The following HEATR5B variants were observed in gnomAD, a reference collection of about 807,000 sequenced individuals.
The protein encoded by HEATR5B is HEAT repeat containing 5B, also known as HEAT repeat-containing protein 5B.
In HEATR5B, 156 loss-of-function variants were observed where a neutral mutation model predicts 224.1. The observed-to-expected ratio is 0.70, with a 90% CI of 0.61 to 0.80. HEATR5B has a LOEUF of 0.80. Among genes scored for constraint, HEATR5B ranks in the 30% least tolerant of loss-of-function variants. The probability of loss-of-function intolerance (pLI) is 0.00; values close to 1 mark genes in which losing one functional copy is unlikely to be tolerated. For missense variants in HEATR5B, 2,323 were observed against 2,535.5 expected (o/e 0.92, Z 1.80); for synonymous variants, 1,027 against 893.0 (o/e 1.15, Z -2.68).
chr2:37,070,395 G>C lies in HEATR5B; in HGVS notation c.770-8C>G. On this transcript the variant is annotated splice_region_variant and splice_polypyrimidine_tract_variant and intron_variant, in intron 6 of 35. Transcript: ENST00000233099. The stretch of plus-strand genomic sequence containing the variant: ...TCACATTCTGACGCATTACTTTCAA[G>C]AAGAAAAATTAAAGTATAAGCAAAT... The C allele has an allele frequency of 6.2e-7, 1 of 1,608,702 alleles. No individual in the cohort carries two copies. The highest frequency in any genetic ancestry group is 8.5e-7 in the Non-Finnish European group (1 of 1,176,588).
At chr2:36,986,573 G>A (rs552145545) in intron 35 of HEATR5B, among the ~76,000 whole-genome samples, 3 of 152,246 alleles carry the variant, frequency 2.0e-5, no homozygotes, top group East Asian at 1.9e-4. Flanking sequence ...GAAAAAACAG[G>A]TACAGTTTGT....
chr2:37,057,342 G>C lies in HEATR5B; in HGVS notation c.2198C>G (p.Thr733Ser). ...SVLLGSWLQE[T>S]DHKSIEDQLQ... is the part of the protein sequence containing the mutation. ...CTGGTCTTCAATTGATTTATGATCA[G>C]TTTCCTGAAGCCAAGAACCAAGAAG... Residue 733 changes from threonine to serine, a missense_variant, in exon 15 of 36, where the codon ACT becomes AGT. Physicochemically the swap from Thr to Ser is moderately conservative, Grantham distance 58. Around this residue, in one of 12 missense-constraint regions of HEATR5B, gnomAD observed 170 missense variants for 216.7 expected, o/e 0.78. Coordinates refer to ENST00000233099, the MANE Select transcript of HEATR5B (RefSeq NM_019024.3). The C allele has an allele frequency of 6.2e-7, 1 of 1,606,134 alleles. No homozygotes were observed. Among genetic ancestry groups the C allele is most frequent in the Non-Finnish European group, 8.5e-7 (1 of 1,177,458 alleles).
At chr2:37,024,105 C>G (rs1314872288) in intron 24 of HEATR5B, among the ~76,000 whole-genome samples, 1 of 152,168 alleles carries the variant, frequency 6.6e-6, no homozygotes, top group African/African-American at 2.4e-5. Flanking sequence ...TTTGAGACAA[C>G]ATGGATGAAC....
At chr2:37,070,143 G>T (rs1474483077) in intron 7 of HEATR5B, 87 bp downstream of exon 7, 2 of 1,241,246 alleles carry the variant, frequency 1.6e-6, no homozygotes, top group Non-Finnish European at 2.3e-6. Flanking sequence ...CAGGCAATCT[G>T]CCCGCCTTGG....
chr2:37,051,182 C>T (rs1670520542), intron 17 of HEATR5B, among the ~76,000 whole-genome samples: 1 of 151,564 alleles, frequency 6.6e-6, no homozygotes, highest in Non-Finnish European at 1.5e-5. Context: ...ATGGTGAAAC[C>T]CCGTCTCTGC....
At position 37,007,169 on chromosome 2, in the gene HEATR5B, G is replaced by A. The variant is rs748442326; in HGVS notation, c.4658C>T (p.Ala1553Val). 133 of 1,613,890 alleles carry A rather than the reference G, an allele frequency of 8.2e-5. No individual in the cohort carries two copies. Among genetic ancestry groups the A allele is most frequent in the Non-Finnish European group, 1.1e-4 (124 of 1,180,000 alleles). Residue 1553 changes from alanine to valine, a missense_variant, in exon 29 of 36, where the codon GCA becomes GTA. By Grantham distance (64) the Ala-to-Val change is moderately conservative. Transcript: ENST00000233099. ...ACGTTTTTGTAAACCAGATATTGCT[G>A]CTGCTTCTGTAGACTCTGAGCACGT... ...GFTCSESTEAAAISGLQKRST... is the reference protein window; with the variant it reads ...GFTCSESTEAVAISGLQKRST...
In HEATR5B at chr2:37,039,294, G is replaced by A. The variant is rs186660133; in HGVS notation, c.3046+1035C>T. Among the ~76,000 whole-genome samples the A allele has an allele frequency of 8.7e-4, 133 of 152,078 alleles. 3 individuals are homozygous for A. The East Asian group carries it at 0.021, about 25-fold the overall frequency. On this transcript the variant is annotated intron_variant, in intron 20 of 35. Coordinates refer to ENST00000233099, the MANE Select transcript of HEATR5B (RefSeq NM_019024.3). ...AGCCTGGCCAACATGGTGAAACCCT[G>A]TCTCTACTAAAAATACAACAAATTA...
At chr2:37,043,819 T>C (rs1377206470) in intron 18 of HEATR5B, among the ~76,000 whole-genome samples, 2 of 152,224 alleles carry the variant, frequency 1.3e-5, no homozygotes, top group African/African-American at 4.8e-5. Context: ...TCCTATTATT[T>C]CAAGAACTTT....
chr2:37,081,030 C>A (rs1048635117), intron 2 of HEATR5B, among the ~76,000 whole-genome samples: 3 of 152,082 alleles, frequency 2.0e-5, no homozygotes, highest in African/African-American at 2.4e-5. Flanking sequence ...AAATTAAAGA[C>A]GTTTTAAGTG....
chr2:37,057,195 G>T, intron 15 of HEATR5B, 122 bp downstream of exon 15: 1 of 674,530 alleles, frequency 1.5e-6, no homozygotes, highest in Non-Finnish European at 2.3e-6. Context: ...ATCTTTAAGT[G>T]TCTAAGAACA....
chr2:37,042,290 T>C (rs923895387), intron 18 of HEATR5B, among the ~76,000 whole-genome samples: 11 of 152,310 alleles, frequency 7.2e-5, no homozygotes, highest in Middle Eastern at 3.4e-3. Context: ...TTATGGAAAC[T>C]ACACATTATG....
chr2:37,023,428 T>A lies in HEATR5B; in HGVS notation c.3854-2592A>T, dbSNP rs188570021. ...AGTTATAAGATGTGTATCTTCATAT[T>A]TTTTCATGTGCCTACCAAAAAAACT... On this transcript the variant is annotated intron_variant, in intron 24 of 35. Coordinates refer to ENST00000233099, the MANE Select transcript of HEATR5B (RefSeq NM_019024.3). Among the ~76,000 whole-genome samples the A allele has an allele frequency of 8.8e-3, 1,334 of 152,276 alleles. 12 individuals carry two copies. The highest frequency in any genetic ancestry group is 0.011 in the Non-Finnish European group (761 of 68,026).
At chr2:37,015,588 T>C (rs1266135608) in intron 26 of HEATR5B, among the ~76,000 whole-genome samples, 1 of 152,192 alleles carries the variant, frequency 6.6e-6, no homozygotes, top group Non-Finnish European at 1.5e-5. Context: ...AAATGCTGAT[T>C]GTTGAAGCTT....
At chr2:37,016,440 T>C (rs1254571783) in intron 26 of HEATR5B, among the ~76,000 whole-genome samples, 1 of 151,822 alleles carries the variant, frequency 6.6e-6, no homozygotes, top group African/African-American at 2.4e-5. Context: ...TCTGAAATCC[T>C]TGGACCAAGA....
chr2:37,001,102 T>A (rs1390264760), intron 32 of HEATR5B, among the ~76,000 whole-genome samples: 1 of 152,074 alleles, frequency 6.6e-6, no homozygotes, highest in Non-Finnish European at 1.5e-5. Context: ...CCCTGTGTAA[T>A]GAAAACGAAA....
At chr2:37,029,933 CAAAA>C (rs1474658085) in intron 22 of HEATR5B, among the ~76,000 whole-genome samples, 1 of 71,026 alleles carries the variant, frequency 1.4e-5, no homozygotes, top group Non-Finnish European at 2.8e-5. Flanking sequence ...GACTCTATCT[CAAAA>C]AATAAATAAA....
At position 36,988,863 on chromosome 2, in the gene HEATR5B, T is replaced by C. The variant is rs747200626; in HGVS notation, c.5698-4A>G. The C allele has an allele frequency of 3.5e-5, 56 of 1,603,998 alleles. No homozygotes were observed. Among genetic ancestry groups the C allele is most frequent in the Non-Finnish European group, 4.6e-5 (54 of 1,171,012 alleles). On this transcript the variant is annotated splice_polypyrimidine_tract_variant and splice_region_variant and intron_variant, in intron 34 of 35. Transcript: ENST00000233099. ...GCTGGTAACATTTGGCTTGAACCTATATAAGAAGAACATATTATCAATTAA... is the reference window on the plus strand; with the variant it reads ...GCTGGTAACATTTGGCTTGAACCTACATAAGAAGAACATATTATCAATTAA...
chr2:36,988,431 T>C (rs1403972732), intron 35 of HEATR5B, among the ~76,000 whole-genome samples: 1 of 152,028 alleles, frequency 6.6e-6, no homozygotes, highest in African/African-American at 2.4e-5. Context: ...CCAGCTAATT[T>C]TTGTATTATT....
At chr2:36,991,877 G>A (rs1666354877) in intron 33 of HEATR5B, among the ~76,000 whole-genome samples, 1 of 152,118 alleles carries the variant, frequency 6.6e-6, no homozygotes, top group Non-Finnish European at 1.5e-5. Context: ...GGAATAAAGG[G>A]TTAAGAACAA....
Sources: allele counts gnomAD v4.1 joint callset (sites outside exome capture counted in the v4.1 genomes callset), GRCh38; gene constraint gnomAD v4.1.1; regional missense constraint gnomAD v4.1.1; transcripts MANE v1.5; gene names NCBI Gene and HGNC (gene_info 2026-07-23, HGNC 2026-07-21).